GRXCR1: variants seen among roughly 807,000 people sequenced by gnomAD.
The protein encoded by GRXCR1 is glutaredoxin domain-containing cysteine-rich protein 1.
A neutral mutation model predicts 27.3 loss-of-function variants in GRXCR1; 27 were observed. The ratio of observed to expected loss-of-function variants is 0.99; its 90% CI spans 0.73 to 1.37. GRXCR1 has a LOEUF of 1.37. Ranked by LOEUF, GRXCR1 falls within the 40% of genes most tolerant of loss-of-function variation. The pLI is 0.00. For missense variants in GRXCR1, 379 were observed against 354.4 expected, an observed-to-expected ratio of 1.07 and a Z score of -0.56; for synonymous variants, 122 against 131.1, an observed-to-expected ratio of 0.93 and a Z score of 0.47.
At chr4:42,935,912 A>G (rs1357341562) in intron 1 of GRXCR1, among the ~76,000 whole-genome samples, 1 of 151,926 alleles carries the variant, frequency 6.6e-6, no homozygotes, top group Non-Finnish European at 1.5e-5. Flanking sequence ...AGTCTTTTAC[A>G]CTAAATAACA....
intron 3 of GRXCR1, among the ~76,000 whole-genome samples, chr4:43,022,670 C>T (rs1480765176): frequency 1.3e-5 from 2 of 152,038 alleles, no homozygotes; most frequent in African/African-American, 4.8e-5. Flanking sequence ...TGAGAGGTAG[C>T]TGGAGTTTAA....
Position 42,994,997 on chromosome 4 carries a change from AT to A in GRXCR1, c.628-25352del, listed in dbSNP as rs569880593. 3.1e-3 allele frequency among the ~76,000 whole-genome samples: 478 copies of A among 152,310 alleles called. 5 individuals carry two copies. The highest frequency in any genetic ancestry group is 0.011 in the African/African-American group (463 of 41,578). On this transcript the variant is annotated intron_variant, in intron 2 of 3. Transcript: ENST00000399770. ...CCAATTTGTATATACATGCATACAT[AT>A]TTTTATGGTGACATTCACAATAAAT... is the stretch of plus-strand genomic sequence containing the variant.
At chr4:42,939,539 T>C (rs1404162462) in intron 1 of GRXCR1, among the ~76,000 whole-genome samples, 3 of 152,094 alleles carry the variant, frequency 2.0e-5, no homozygotes, top group African/African-American at 7.2e-5. Context: ...CAGTACTATG[T>C]TGAATAATCA....
At chr4:42,981,877 G>T (rs1595190) in intron 2 of GRXCR1, among the ~76,000 whole-genome samples, 5,881 of 151,914 alleles carry the variant, frequency 0.039, 393 homozygotes, top group African/African-American at 0.13. Context: ...TTTGATTTTT[G>T]ACAGTTTGAT....
At chr4:42,956,598 A>G (rs1748009984) in intron 1 of GRXCR1, among the ~76,000 whole-genome samples, 1 of 152,082 alleles carries the variant, frequency 6.6e-6, no homozygotes, top group African/African-American at 2.4e-5. Flanking sequence ...ATCTTTTTTC[A>G]GAACATTTTA....
intron 1 of GRXCR1, among the ~76,000 whole-genome samples, chr4:42,920,605 C>T (rs1319053525): frequency 6.6e-6 from 1 of 152,070 alleles, no homozygotes; most frequent in Non-Finnish European, 1.5e-5. Context: ...CTGCAGATCC[C>T]AGTGCATGTC....
chr4:42,985,960 A>T (rs939663710), intron 2 of GRXCR1, among the ~76,000 whole-genome samples: 1 of 152,224 alleles, frequency 6.6e-6, no homozygotes, highest in Admixed American at 6.5e-5. Context: ...TTCCATAAAC[A>T]TCTAGTTATT....
chr4:43,023,192 A>G (rs755325542), intron 3 of GRXCR1, among the ~76,000 whole-genome samples: 14 of 152,142 alleles, frequency 9.2e-5, no homozygotes, highest in Non-Finnish European at 1.9e-4. Flanking sequence ...GGTCCAGGGA[A>G]TAGGCTGGGT....
intron 3 of GRXCR1, among the ~76,000 whole-genome samples, chr4:43,026,586 G>C (rs900665974): frequency 1.3e-5 from 2 of 152,106 alleles, no homozygotes; most frequent in Non-Finnish European, 2.9e-5. Flanking sequence ...CCTTTCAACT[G>C]CTTTACATTT....
intron 1 of GRXCR1, among the ~76,000 whole-genome samples, chr4:42,901,872 T>C (rs963696920): frequency 1.3e-5 from 2 of 152,154 alleles, no homozygotes; most frequent in East Asian, 1.9e-4. Context: ...GTGACTTCCT[T>C]TGGCTGAAAG....
At chr4:42,927,301 A>G (rs555878797) in intron 1 of GRXCR1, among the ~76,000 whole-genome samples, 1 of 152,140 alleles carries the variant, frequency 6.6e-6, no homozygotes, top group South Asian at 2.1e-4. Context: ...GAAACCAAAT[A>G]TGGAAGACAA....
chr4:42,998,246 A>G (rs74677647), intron 2 of GRXCR1, among the ~76,000 whole-genome samples: 2,186 of 152,278 alleles, frequency 0.014, 26 homozygotes, highest in Admixed American at 0.021. Flanking sequence ...CTGTTGAAAA[A>G]CATCAGCAAA....
chr4:43,023,388 TC>T (rs1312931339), intron 3 of GRXCR1, among the ~76,000 whole-genome samples: 1 of 152,084 alleles, frequency 6.6e-6, no homozygotes, highest in Non-Finnish European at 1.5e-5. Flanking sequence ...AGAAATGGAG[TC>T]AGAAAATAAT....
At chr4:42,962,631 G>A (rs1293811219) in intron 1 of GRXCR1, among the ~76,000 whole-genome samples, 4 of 151,890 alleles carry the variant, frequency 2.6e-5, no homozygotes, top group Admixed American at 2.6e-4. Flanking sequence ...TCCCATGTGA[G>A]ATGTGATCAA....
chr4:42,920,883 C>A (rs1295141171), intron 1 of GRXCR1, among the ~76,000 whole-genome samples: 1 of 151,738 alleles, frequency 6.6e-6, no homozygotes, highest in Non-Finnish European at 1.5e-5. Context: ...GAGTCCAGTA[C>A]ATTATTCCCA....
At chr4:42,967,837 G>C (rs1167135435) in intron 2 of GRXCR1, among the ~76,000 whole-genome samples, 1 of 152,014 alleles carries the variant, frequency 6.6e-6, no homozygotes, top group African/African-American at 2.4e-5. Context: ...ATAGTGTTTG[G>C]TCTAAAGCTA....
intron 2 of GRXCR1, among the ~76,000 whole-genome samples, chr4:42,976,704 A>G (rs904800751): frequency 6.6e-6 from 1 of 152,012 alleles, no homozygotes; most frequent in African/African-American, 2.4e-5. Context: ...GACAGATAAA[A>G]TTGTATGTGT....
intron 1 of GRXCR1, among the ~76,000 whole-genome samples, chr4:42,905,304 C>T (rs962515621): frequency 6.6e-6 from 1 of 152,206 alleles, no homozygotes; most frequent in African/African-American, 2.4e-5. Context: ...TTGGTAACAC[C>T]TGTCATCCTG....
At position 42,953,217 on chromosome 4, in the gene GRXCR1, C is replaced by T. The variant is rs77992422; in HGVS notation, c.385-9675C>T. On this transcript the variant is annotated intron_variant, in intron 1 of 3. Transcript: ENST00000399770. ...TCCACATGGTCTTCCAGAACTTTGCCATTCCTCTATCAAGAAGTGGGAGTC... is the reference window on the plus strand; with the variant it reads ...TCCACATGGTCTTCCAGAACTTTGCTATTCCTCTATCAAGAAGTGGGAGTC... Among the ~76,000 whole-genome samples the T allele has an allele frequency of 5.2e-3, 794 of 152,240 alleles. 6 individuals carry two copies. The highest frequency in any genetic ancestry group is 0.018 in the African/African-American group (760 of 41,542).
Sources: gnomAD v4.1 joint callset for allele counts (sites outside exome capture counted in the v4.1 genomes callset) on GRCh38, gnomAD v4.1.1 for gene constraint, MANE v1.5 for transcripts, NCBI Gene and HGNC (gene_info 2026-07-23, HGNC 2026-07-21) for gene names.